Variants in OR11H4 observed in about 807,000 individuals in gnomAD.
OR11H4 encodes olfactory receptor 11H4.
For synonymous variants in OR11H4, 162 were observed against 142.3 expected (o/e 1.14, Z -0.98); for missense variants, 460 against 371.1 (o/e 1.24, Z -1.97).
At chr14:20,242,478 A>G (rs1202966984) in intron 1 of OR11H4, among the ~76,000 whole-genome samples, 1 of 152,168 alleles carries the variant, frequency 6.6e-6, no homozygotes, top group Non-Finnish European at 1.5e-5. Flanking sequence ...ACATCTCAGC[A>G]AAGCAATTGT....
chr14:20,242,389 T>C (rs911671862), intron 1 of OR11H4, among the ~76,000 whole-genome samples: 1 of 152,198 alleles, frequency 6.6e-6, no homozygotes, highest in Non-Finnish European at 1.5e-5. Flanking sequence ...ACCTGGATTT[T>C]ATACAACACA....
Position 20,243,368 on chromosome 14 carries a change from C to A in OR11H4, c.547C>A (p.Pro183Thr). The A allele has an allele frequency of 1.9e-6, 3 of 1,614,052 alleles. No individual in the cohort carries two copies. The highest frequency in any genetic ancestry group is 2.5e-6 in the Non-Finnish European group (3 of 1,179,950). The change falls in exon 2 of 2, where the codon CCA becomes ACA. Residue 183 changes from proline (P) to threonine (T), a missense_variant. Transcript: ENST00000641082. Reference protein sequence around the residue: ...IIDHFLCDMDPLMALSCAPAP... With the variant: ...IIDHFLCDMDTLMALSCAPAP... ...TGATCACTTCCTGTGTGACATGGAC[C>A]CATTGATGGCTCTATCCTGTGCCCC...
chr14:20,243,843 G>A lies in OR11H4; in HGVS notation c.*77G>A. ...TTGTCAGTTCTTTAGCAGTCTTTCA[G>A]TCCTCAGTCTGAGTAGTTAGAGGTT... On this transcript the variant is annotated 3_prime_UTR_variant, in exon 2 of 2. Coordinates refer to ENST00000641082, the MANE Select transcript of OR11H4 (RefSeq NM_001004479.2). 5 of 1,424,562 alleles carry A rather than the reference G, an allele frequency of 3.5e-6. No homozygotes were observed. Among genetic ancestry groups the A allele is most frequent in the Non-Finnish European group, 4.7e-6 (5 of 1,059,042 alleles). The allele number at this position is 1,424,562 out of a possible 1,614,324, so 88.2% of individuals were successfully genotyped here. A position where few individuals can be genotyped will look rare whatever the true frequency, so the allele number is the denominator to read the frequency against.
Position 20,242,804 on chromosome 14 carries a change from T to G in OR11H4, c.-11-7T>G. ...TTGGATTACACTCATGTCTTTCTTC[T>G]TTGTAGACTTAAGACCCATGAACAG... is the stretch of plus-strand genomic sequence containing the variant. On this transcript the variant is annotated splice_polypyrimidine_tract_variant and splice_region_variant and intron_variant, in intron 1 of 1. Transcript: ENST00000641082. 6.2e-7 allele frequency: 1 copy of G among 1,612,268 alleles called. No individual in the cohort carries two copies. Among genetic ancestry groups the G allele is most frequent in the Non-Finnish European group, 8.5e-7 (1 of 1,178,950 alleles).
chr14:20,240,728 C>A (rs768521474), intron 1 of OR11H4, among the ~76,000 whole-genome samples: 5 of 151,686 alleles, frequency 3.3e-5, no homozygotes, highest in Non-Finnish European at 7.4e-5. Context: ...AGGCACGCAC[C>A]ACCACACCCA....
At chr14:20,240,836 A>C (rs1318581131) in intron 1 of OR11H4, among the ~76,000 whole-genome samples, 1 of 152,124 alleles carries the variant, frequency 6.6e-6, no homozygotes, top group South Asian at 2.1e-4. Flanking sequence ...TTGGCCTCTC[A>C]AATTGCTGGA....
In OR11H4 at chr14:20,243,336, A is replaced by G; in HGVS notation, c.515A>G (p.Asn172Ser). ...YISQLPFCGPNIIDHFLCDMD... is the reference protein window; with the variant it reads ...YISQLPFCGPSIIDHFLCDMD... ...TCCCAACTCCCCTTCTGTGGTCCTA[A>G]TATCATTGATCACTTCCTGTGTGAC... The change falls in exon 2 of 2, where the codon AAT (asparagine) becomes AGT (serine). Residue 172 changes from asparagine to serine, a missense_variant. By Grantham distance (46) the Asn-to-Ser change is conservative. Coordinates refer to ENST00000641082, the MANE Select transcript of OR11H4 (RefSeq NM_001004479.2). 1 of 1,613,846 alleles carries G rather than the reference A, an allele frequency of 6.2e-7. No individual in the cohort carries two copies. Among genetic ancestry groups the G allele is most frequent in the Non-Finnish European group, 8.5e-7 (1 of 1,179,806 alleles).
Position 20,243,389 on chromosome 14 carries a change from G to A in OR11H4, c.568G>A (p.Ala190Thr), listed in dbSNP as rs1356394984. Residue 190 changes from alanine (A) to threonine (T), a missense_variant, in exon 2 of 2, where the codon GCC becomes ACC. Ala to Thr is a moderately conservative substitution (Grantham distance 58). Coordinates refer to ENST00000641082, the MANE Select transcript of OR11H4 (RefSeq NM_001004479.2). ...DMDPLMALSC[A>T]PAPITECIFY... ...GGACCCATTGATGGCTCTATCCTGTGCCCCAGCTCCCATAACTGAATGTAT... is the reference window on the plus strand; with the variant it reads ...GGACCCATTGATGGCTCTATCCTGTACCCCAGCTCCCATAACTGAATGTAT... The A allele has an allele frequency of 3.3e-5, 54 of 1,613,872 alleles. No individual in the cohort carries two copies. Among genetic ancestry groups the A allele is most frequent in the Non-Finnish European group, 3.8e-5 (45 of 1,179,978 alleles).
chr14:20,241,180 C>A (rs1299405562), intron 1 of OR11H4, among the ~76,000 whole-genome samples: 2 of 152,146 alleles, frequency 1.3e-5, no homozygotes, highest in East Asian at 3.9e-4. Flanking sequence ...TAGAAAACAT[C>A]ATTTTCCTTA....
chr14:20,243,772 A>T lies in OR11H4; in HGVS notation c.*6A>T. The T allele has an allele frequency of 6.4e-7, 1 of 1,565,708 alleles. No individual in the cohort carries two copies. Among genetic ancestry groups the T allele is most frequent in the Non-Finnish European group, 8.6e-7 (1 of 1,157,296 alleles). On this transcript the variant is annotated 3_prime_UTR_variant, in exon 2 of 2. Transcript: ENST00000641082. ...GAATTCGTCAAAATTCGTGAGCCAA[A>T]GATGTGCCATACTTACAAGTTCTAA...
Position 20,243,328 on chromosome 14 carries a change from T to C in OR11H4, c.507T>C (p.Cys169=). The change falls in exon 2 of 2, where the codon TGT becomes TGC. Residue 169 remains cysteine, a synonymous_variant. Transcript: ENST00000641082. ...TCTACATCTCCCAACTCCCCTTCTG[T>C]GGTCCTAATATCATTGATCACTTCC... ...PIFYISQLPF[C]GPNIIDHFLC... is the part of the protein sequence containing the mutation. The C allele has an allele frequency of 6.2e-7, 1 of 1,614,096 alleles. No individual in the cohort carries two copies. Among genetic ancestry groups the C allele is most frequent in the Non-Finnish European group, 8.5e-7 (1 of 1,179,926 alleles).
At position 20,243,144 on chromosome 14, in the gene OR11H4, G is replaced by GTC; in HGVS notation, c.323_324insTC (p.Thr109GlnfsTer10). 1 of 1,614,090 alleles carries GTC rather than the reference G, an allele frequency of 6.2e-7. No homozygotes were observed. ...CAGTTCTATTTCTTCTTTTCACTGG[G>GTC]AACAACTGAATGTCTCTTTCTGGCA... On this transcript the variant is annotated frameshift_variant, in exon 2 of 2. Coordinates refer to ENST00000641082, the MANE Select transcript of OR11H4 (RefSeq NM_001004479.2). LOFTEE classifies it low-confidence loss of function (END_TRUNC).
chr14:20,243,572 T>C lies in OR11H4; in HGVS notation c.751T>C (p.Phe251Leu). The change falls in exon 2 of 2, where the codon TTC (phenylalanine) becomes CTC (leucine). Residue 251 changes from phenylalanine to leucine, a missense_variant. Transcript: ENST00000641082. ...CGSHLVVVSLFYGTVMVMYVS... is the reference protein window; with the variant it reads ...CGSHLVVVSLLYGTVMVMYVS... ...TTCTCATTTGGTTGTGGTATCTCTTTTCTATGGGACAGTCATGGTAATGTA... is the reference window on the plus strand; with the variant it reads ...TTCTCATTTGGTTGTGGTATCTCTTCTCTATGGGACAGTCATGGTAATGTA... 2 of 1,613,570 alleles carry C rather than the reference T, an allele frequency of 1.2e-6. No individual in the cohort carries two copies. The highest frequency in any genetic ancestry group is 1.7e-6 in the Non-Finnish European group (2 of 1,179,830).
In OR11H4 at chr14:20,243,219, C is replaced by G. The variant is rs1473234021; in HGVS notation, c.398C>G (p.Pro133Arg). The G allele has an allele frequency of 1.9e-6, 3 of 1,614,164 alleles. No individual in the cohort carries two copies. Among genetic ancestry groups the G allele is most frequent in the Non-Finnish European group, 8.5e-7 (1 of 1,180,002 alleles). The change falls in exon 2 of 2, where the codon CCT (proline) becomes CGT (arginine). Residue 133 changes from proline (P) to arginine (R), a missense_variant. Physicochemically the swap from Pro to Arg is moderately radical, Grantham distance 103 (BLOSUM62 -2). Coordinates refer to ENST00000641082, the MANE Select transcript of OR11H4 (RefSeq NM_001004479.2). ...GCCATCTGCCACCCACTGCAGTACC[C>G]TGCCATCATGACTGTAAGGTTCTGT... is the stretch of plus-strand genomic sequence containing the variant. Reference protein sequence around the residue: ...YLAICHPLQYPAIMTVRFCGK... With the variant: ...YLAICHPLQYRAIMTVRFCGK...
chr14:20,243,518 G>C lies in OR11H4; in HGVS notation c.697G>C (p.Gly233Arg). 1 of 1,613,758 alleles carries C rather than the reference G, an allele frequency of 6.2e-7. No individual in the cohort carries two copies. The highest frequency in any genetic ancestry group is 8.5e-7 in the Non-Finnish European group (1 of 1,179,908). The change falls in exon 2 of 2, where the codon GGT becomes CGT. Residue 233 changes from glycine to arginine, a missense_variant. Physicochemically the swap from Gly to Arg is moderately radical, Grantham distance 125 (BLOSUM62 -2). Transcript: ENST00000641082. Reference sequence around the variant, plus strand: ...TGTTTTTCAGGTCCCTTCTGCAGCTGGTCGGAGAAAAGCCTTCTCTACCTG... The same window carrying C: ...TGTTTTTCAGGTCCCTTCTGCAGCTCGTCGGAGAAAAGCCTTCTCTACCTG... ...TAVFQVPSAA[G>R]RRKAFSTCGS...
intron 1 of OR11H4, among the ~76,000 whole-genome samples, chr14:20,241,802 A>G (rs558749375): frequency 1.3e-5 from 2 of 152,090 alleles, no homozygotes; most frequent in African/African-American, 4.8e-5. Context: ...TAATAAGGAG[A>G]AGGTCAGCAA....
In OR11H4 at chr14:20,243,633, A is replaced by G; in HGVS notation, c.812A>G (p.Gln271Arg). ...SPTYGIPTLL[Q>R]KILTLVYSVT... The stretch of plus-strand genomic sequence containing the variant: ...ACATATGGGATCCCAACTTTATTGC[A>G]GAAGATCCTCACACTGGTATATTCA... The change falls in exon 2 of 2, where the codon CAG (glutamine) becomes CGG (arginine). Residue 271 changes from glutamine (Q) to arginine (R), a missense_variant. By Grantham distance (43) the Gln-to-Arg change is conservative (BLOSUM62 1). Coordinates refer to ENST00000641082, the MANE Select transcript of OR11H4 (RefSeq NM_001004479.2). 6.2e-7 allele frequency: 1 copy of G among 1,614,124 alleles called. No homozygotes were observed.
chr14:20,241,797 A>C (rs1880928022), intron 1 of OR11H4, among the ~76,000 whole-genome samples: 1 of 152,142 alleles, frequency 6.6e-6, no homozygotes, highest in African/African-American at 2.4e-5. Context: ...GGTGATAATA[A>C]GGAGAAGGTC....
intron 1 of OR11H4, among the ~76,000 whole-genome samples, chr14:20,240,197 T>C (rs1880884540): frequency 6.6e-6 from 1 of 152,208 alleles, no homozygotes; most frequent in South Asian, 2.1e-4. Context: ...GGACTTGTTC[T>C]CTGACCTGTG....
Sources: allele counts gnomAD v4.1 joint callset (sites outside exome capture counted in the v4.1 genomes callset), GRCh38; gene constraint gnomAD v4.1.1; transcripts MANE v1.5; gene names NCBI Gene and HGNC (gene_info 2026-07-23, HGNC 2026-07-21).